Variants in TMTC2 observed in about 807,000 individuals in gnomAD.
The protein encoded by TMTC2 is transmembrane O-mannosyltransferase targeting cadherins 2.
In TMTC2, 43 loss-of-function variants were observed where a neutral mutation model predicts 82.4. That is an observed-to-expected ratio of 0.52 (90% CI 0.41 to 0.67). The LOEUF is 0.67. Among genes scored for constraint, TMTC2 ranks in the 30% least tolerant of loss-of-function variants. The probability of loss-of-function intolerance (pLI) is 0.00; values close to 1 mark genes in which losing one functional copy is unlikely to be tolerated. For synonymous variants in TMTC2, 408 were observed against 381.9 expected (o/e 1.07, Z -0.80); for missense variants, 919 against 1,012.4 (o/e 0.91, Z 1.25).
chr12:82,759,098 A>C (rs1282059330), intron 1 of TMTC2: 2 of 152,182 alleles, frequency 1.3e-5, no homozygotes, highest in African/African-American at 4.8e-5. Context: ...TTAGAAAATT[A>C]TTTTCAATTA....
chr12:82,958,371 CAA>C (rs920765326), intron 4 of TMTC2, among the ~76,000 whole-genome samples: 27 of 18,960 alleles, frequency 1.4e-3, no homozygotes, highest in East Asian at 0.01. Context: ...AAAAAAAAAA[CAA>C]AAAAAACAAA....
chr12:82,902,844 A>G (rs570262913), intron 3 of TMTC2, among the ~76,000 whole-genome samples: 1 of 152,292 alleles, frequency 6.6e-6, no homozygotes, highest in South Asian at 2.1e-4. Flanking sequence ...ACCTGCACAT[A>G]TAGCCTTGGA....
chr12:83,037,977 A>T lies in TMTC2; in HGVS notation c.2152+7098A>T, dbSNP rs142292279. ...AATATAAAGAACAAGAGATAGGAACAAATGATACAACCGGTTTTAAAAGTT... is the reference window on the plus strand; with the variant it reads ...AATATAAAGAACAAGAGATAGGAACTAATGATACAACCGGTTTTAAAAGTT... On this transcript the variant is annotated intron_variant, in intron 9 of 11. Transcript: ENST00000321196. Among the ~76,000 whole-genome samples the T allele has an allele frequency of 3.3e-5, 5 of 152,244 alleles. No homozygotes were observed. The East Asian group carries it at 7.7e-4, about 24-fold the overall frequency.
At chr12:82,835,842 C>T (rs905102513) in intron 1 of TMTC2, among the ~76,000 whole-genome samples, 8 of 152,122 alleles carry the variant, frequency 5.3e-5, no homozygotes, top group Admixed American at 1.3e-4. Context: ...CCCCACTTGA[C>T]GTCACATAAA....
At chr12:82,852,082 T>G (rs1256811703) in intron 1 of TMTC2, among the ~76,000 whole-genome samples, 1 of 151,370 alleles carries the variant, frequency 6.6e-6, no homozygotes, top group Non-Finnish European at 1.5e-5. Flanking sequence ...AAGACTTCCT[T>G]GAAGACTTCA....
intron 1 of TMTC2, among the ~76,000 whole-genome samples, chr12:82,691,473 A>T (rs572444993): frequency 1.3e-5 from 2 of 152,264 alleles, no homozygotes; most frequent in East Asian, 3.9e-4. Context: ...ACATGAGTTA[A>T]TTTTTTCTTT....
At chr12:82,761,812 T>C (rs532590866) in intron 1 of TMTC2, among the ~76,000 whole-genome samples, 2 of 152,162 alleles carry the variant, frequency 1.3e-5, no homozygotes, top group Non-Finnish European at 2.9e-5. Context: ...AAATCTCATC[T>C]TCTTACAGCC....
At chr12:82,720,129 T>A (rs1874135003) in intron 1 of TMTC2, among the ~76,000 whole-genome samples, 1 of 152,182 alleles carries the variant, frequency 6.6e-6, no homozygotes, top group African/African-American at 2.4e-5. Flanking sequence ...GTTTTTAGTA[T>A]ATTCACAGGT....
intron 8 of TMTC2, among the ~76,000 whole-genome samples, chr12:82,997,277 A>G (rs1259993461): frequency 7.6e-6 from 1 of 131,722 alleles, no homozygotes; most frequent in Non-Finnish European, 1.6e-5. Context: ...ATAGGTGTAT[A>G]TAACTTTGCT....
chr12:83,005,136 G>A (rs111329267), intron 8 of TMTC2, among the ~76,000 whole-genome samples: 40 of 150,686 alleles, frequency 2.7e-4, no homozygotes, highest in African/African-American at 8.8e-4. Flanking sequence ...CTCGGGAGGC[G>A]GAGGTTGTAG....
chr12:82,724,078 C>A (rs1874330945), intron 1 of TMTC2, among the ~76,000 whole-genome samples: 1 of 152,138 alleles, frequency 6.6e-6, no homozygotes, highest in Non-Finnish European at 1.5e-5. Context: ...CTGCAAGATG[C>A]CCTGGGGAAA....
intron 1 of TMTC2, among the ~76,000 whole-genome samples, chr12:82,726,486 G>C (rs1439322642): frequency 6.6e-6 from 1 of 151,802 alleles, no homozygotes; most frequent in Non-Finnish European, 1.5e-5. Flanking sequence ...AGACTTTTCA[G>C]TGATGCTGGT....
chr12:82,696,414 G>T (rs1332550589), intron 1 of TMTC2, among the ~76,000 whole-genome samples: 1 of 151,904 alleles, frequency 6.6e-6, no homozygotes, highest in Non-Finnish European at 1.5e-5. Context: ...ACTCTTACAG[G>T]GATATATACT....
chr12:82,775,657 A>G (rs548216118), intron 1 of TMTC2, among the ~76,000 whole-genome samples: 24 of 152,256 alleles, frequency 1.6e-4, no homozygotes, highest in African/African-American at 5.8e-4. Context: ...CACAGTCTCA[A>G]AAAGAAAAAT....
intron 10 of TMTC2, among the ~76,000 whole-genome samples, chr12:83,056,180 A>G (rs773607929): frequency 2.0e-5 from 3 of 151,988 alleles, no homozygotes; most frequent in Non-Finnish European, 2.9e-5. Context: ...AAGTAGACAG[A>G]GTCATTGGAG....
intron 4 of TMTC2, among the ~76,000 whole-genome samples, chr12:82,952,586 C>T (rs1034251635): frequency 2.0e-5 from 3 of 152,062 alleles, no homozygotes; most frequent in African/African-American, 7.2e-5. Context: ...TGCTCTGTTG[C>T]CCAGACTCAA....
At chr12:82,863,808 A>G (rs1349313824) in intron 2 of TMTC2, among the ~76,000 whole-genome samples, 1 of 152,208 alleles carries the variant, frequency 6.6e-6, no homozygotes, top group Non-Finnish European at 1.5e-5. Context: ...GAGGAATCAA[A>G]AGGAACATGC....
chr12:83,002,126 G>GT (rs1204286688), intron 8 of TMTC2, among the ~76,000 whole-genome samples: 2 of 151,994 alleles, frequency 1.3e-5, no homozygotes, highest in Admixed American at 6.6e-5. Context: ...TGGTGGTTAG[G>GT]TTTTTTTATT....
At chr12:82,715,457 C>T (rs142520539) in intron 1 of TMTC2, among the ~76,000 whole-genome samples, 4 of 151,940 alleles carry the variant, frequency 2.6e-5, no homozygotes, top group East Asian at 3.9e-4. Flanking sequence ...TAGGGGATTT[C>T]GGTGGGCTTG....
Sources: gnomAD v4.1 joint callset for allele counts (sites outside exome capture counted in the v4.1 genomes callset) on GRCh38, gnomAD v4.1.1 for gene constraint, MANE v1.5 for transcripts, NCBI Gene and HGNC (gene_info 2026-07-23, HGNC 2026-07-21) for gene names.